EAF2: variants seen among roughly 807,000 people sequenced by gnomAD.
The protein encoded by EAF2 is ELL-associated factor 2.
A neutral mutation model predicts 29.4 loss-of-function variants in EAF2; 29 were observed. The ratio of observed to expected loss-of-function variants is 0.99; its 90% confidence interval spans 0.73 to 1.35. The LOEUF (loss-of-function observed/expected upper bound fraction) is 1.35. EAF2 is among the 40% of genes most tolerant of loss of function. EAF2 has a pLI of 0.00. For missense variants in EAF2, 292 were observed against 312.0 expected, an observed-to-expected ratio of 0.94 and a Z score of 0.48; for synonymous variants, 103 against 102.5, an observed-to-expected ratio of 1.00 and a Z score of -0.03.
chr3:121,872,656 T>C lies in EAF2; in HGVS notation c.604T>C (p.Cys202Arg). The change falls in exon 5 of 6, where the codon TGC becomes CGC. Residue 202 changes from cysteine (C) to arginine (R), a missense_variant. Transcript: ENST00000273668. ...TTCTAGTGACTCAGAAGATGAAGAT[T>C]GCAAATCCTCTACTTCTGATACAGG... Reference protein sequence around the residue: ...DSSSDSEDEDCKSSTSDTGNC... With the variant: ...DSSSDSEDEDRKSSTSDTGNC... 1 of 1,613,024 alleles carries C rather than the reference T, an allele frequency of 6.2e-7. No homozygotes were observed. Among genetic ancestry groups the C allele is most frequent in the Non-Finnish European group, 8.5e-7 (1 of 1,179,256 alleles).
At chr3:121,865,447 G>A (rs557821978) in intron 4 of EAF2, among the ~76,000 whole-genome samples, 1 of 152,120 alleles carries the variant, frequency 6.6e-6, no homozygotes, top group Non-Finnish European at 1.5e-5. Context: ...TGTTAAAATG[G>A]TTGAATCACC....
intron 4 of EAF2, among the ~76,000 whole-genome samples, chr3:121,858,477 G>T (rs1473402238): frequency 6.6e-6 from 1 of 152,232 alleles, no homozygotes; most frequent in Non-Finnish European, 1.5e-5. Context: ...CTTTTGAGAA[G>T]TGTCTGTTCA....
intron 1 of EAF2, chr3:121,836,630 T>C: frequency 1.0e-6 from 1 of 987,700 alleles, no homozygotes; most frequent in East Asian, 1.1e-4. Flanking sequence ...CTTTATCATA[T>C]ACTTTCTCAT....
intron 4 of EAF2, among the ~76,000 whole-genome samples, chr3:121,864,736 A>G (rs1156242214): frequency 8.5e-5 from 13 of 152,060 alleles, no homozygotes; most frequent in Admixed American, 3.3e-4. Context: ...GGATTACTTG[A>G]GCATGGGGAG....
intron 2 of EAF2, among the ~76,000 whole-genome samples, chr3:121,845,459 A>AAAAAAAAAAAG (rs71133578): frequency 8.9e-4 from 86 of 96,636 alleles, no homozygotes; most frequent in Non-Finnish European, 1.1e-3. Flanking sequence ...AAAAAAAAAA[A>AAAAAAAAAAAG]AAAGAAAGAA....
At chr3:121,851,580 C>T (rs1362507259) in intron 2 of EAF2, among the ~76,000 whole-genome samples, 1 of 152,166 alleles carries the variant, frequency 6.6e-6, no homozygotes, top group Non-Finnish European at 1.5e-5. Flanking sequence ...GGTTTGTAAA[C>T]AGTGGCAAAT....
intron 3 of EAF2, among the ~76,000 whole-genome samples, chr3:121,856,319 CT>C (rs202213987): frequency 0.015 from 2,037 of 136,212 alleles, 26 homozygotes; most frequent in African/African-American, 0.037. Flanking sequence ...TAAGCAATGG[CT>C]TTTTTTTTTT....
intron 4 of EAF2, among the ~76,000 whole-genome samples, chr3:121,862,612 C>T (rs549189062): frequency 2.3e-4 from 35 of 152,260 alleles, no homozygotes; most frequent in Admixed American, 3.9e-4. Flanking sequence ...GCGATGGGTT[C>T]GAACATCCTC....
At chr3:121,865,291 G>GTTAA (rs1708904227) in intron 4 of EAF2, among the ~76,000 whole-genome samples, 4 of 151,866 alleles carry the variant, frequency 2.6e-5, no homozygotes, top group Non-Finnish European at 4.4e-5. Context: ...AAGTTGTAGA[G>GTTAA]GTTAACACAA....
At chr3:121,876,750 T>C (rs1213575013) in intron 5 of EAF2, among the ~76,000 whole-genome samples, 1 of 151,930 alleles carries the variant, frequency 6.6e-6, no homozygotes, top group Non-Finnish European at 1.5e-5. Context: ...ATACAATCTA[T>C]AGTTTCCACA....
At chr3:121,875,463 A>C (rs1709080070) in intron 5 of EAF2, among the ~76,000 whole-genome samples, 1 of 151,954 alleles carries the variant, frequency 6.6e-6, no homozygotes, top group African/African-American at 2.4e-5. Flanking sequence ...TCAGAGGACT[A>C]GGTGGAACGA....
chr3:121,867,703 G>A (rs1166752915), intron 4 of EAF2, among the ~76,000 whole-genome samples: 2 of 152,148 alleles, frequency 1.3e-5, no homozygotes, highest in Non-Finnish European at 2.9e-5. Flanking sequence ...CAGGAAGAGA[G>A]AAACAGCAAC....
In EAF2 at chr3:121,844,485, T is replaced by C. The variant is rs1708487777; in HGVS notation, c.139T>C (p.Ser47Pro). 6.2e-7 allele frequency: 1 copy of C among 1,610,484 alleles called. No homozygotes were observed. Among genetic ancestry groups the C allele is most frequent in the Non-Finnish European group, 8.5e-7 (1 of 1,178,604 alleles). Residue 47 changes from serine to proline, a missense_variant, in exon 2 of 6, where the codon TCT (serine) becomes CCT (proline). Ser to Pro is a moderately conservative substitution (Grantham distance 74). Coordinates refer to ENST00000273668, the MANE Select transcript of EAF2 (RefSeq NM_018456.6). ...CAAACCTGCTTCTATTGACACTTCT[T>C]CTGAAGGATACCTTGAGGTTGGTGA... ...DFKPASIDTS[S>P]EGYLEVGEGE...
chr3:121,880,690 T>A (rs1423427862), intron 5 of EAF2, among the ~76,000 whole-genome samples: 1 of 152,176 alleles, frequency 6.6e-6, no homozygotes, highest in East Asian at 1.9e-4. Flanking sequence ...TTTGACTTCC[T>A]CCTTTGCAAT....
At chr3:121,861,094 G>T (rs1708821571) in intron 4 of EAF2, among the ~76,000 whole-genome samples, 3 of 152,148 alleles carry the variant, frequency 2.0e-5, no homozygotes, top group Admixed American at 2.0e-4. Context: ...TTCTAACTAT[G>T]TGGTCAATTT....
intron 1 of EAF2, among the ~76,000 whole-genome samples, chr3:121,840,557 G>C (rs1395228994): frequency 1.4e-5 from 2 of 144,644 alleles, no homozygotes; most frequent in Non-Finnish European, 3.0e-5. Context: ...TGTAATCCCA[G>C]CACTTTGGGA....
Position 121,850,460 on chromosome 3 carries a change from T to C in EAF2, c.202-4227T>C, listed in dbSNP as rs556869684. ...AGGCATATGATTTTATTTTCTTATA[T>C]GAAAACTGAGTTCCTCCATTATTTT... On this transcript the variant is annotated intron_variant, in intron 2 of 5. Transcript: ENST00000273668. Among the ~76,000 whole-genome samples the C allele has an allele frequency of 7.2e-5, 11 of 152,214 alleles. 1 individual carries two copies. The South Asian group carries it at 1.9e-3, about 26-fold the overall frequency.
intron 3 of EAF2, among the ~76,000 whole-genome samples, chr3:121,855,368 T>C (rs7340674): frequency 0.37 from 56,581 of 152,030 alleles, 11,208 homozygotes; most frequent in East Asian, 0.71. Context: ...GCAAATAGTA[T>C]AGACAAAAAT....
rs368234052 is a variant in EAF2 at position 121,872,491 on chromosome 3, A to G, written c.485-46A>G. The G allele has an allele frequency of 1.5e-3, 2,104 of 1,379,418 alleles. 4 individuals carry two copies. The highest frequency in any genetic ancestry group is 1.9e-3 in the Non-Finnish European group (1,915 of 1,019,990). The allele number at this position is 1,379,418 out of a possible 1,614,324, so 85.4% of individuals were successfully genotyped here. A position where few individuals can be genotyped will look rare whatever the true frequency, so the allele number is the denominator to read the frequency against. ...CATTCAATTTTTATTATATTTATTT[A>G]GCATTTTTTATTTAACCTATCTATT... On this transcript the variant is annotated intron_variant, in intron 4 of 5. Coordinates refer to ENST00000273668, the MANE Select transcript of EAF2 (RefSeq NM_018456.6).
Sources: gnomAD v4.1 joint callset for allele counts (sites outside exome capture counted in the v4.1 genomes callset) on GRCh38, gnomAD v4.1.1 for gene constraint, MANE v1.5 for transcripts, NCBI Gene and HGNC (gene_info 2026-07-23, HGNC 2026-07-21) for gene names.